Variants in ATRNL1 observed in about 807,000 individuals in gnomAD.
The protein encoded by ATRNL1 is attractin-like protein 1.
Under a neutral mutation model 182.7 loss-of-function variants are expected in ATRNL1, and 95 were observed. The observed-to-expected ratio is 0.52, with a 90% confidence interval of 0.44 to 0.62. The LOEUF (loss-of-function observed/expected upper bound fraction) is 0.62, where lower values mean the gene tolerates loss of function less well. ATRNL1 is among the 20% of genes least tolerant of loss of function. The pLI, the probability that ATRNL1 is intolerant of heterozygous loss-of-function variation, is 0.00. For missense variants in ATRNL1, 1,471 were observed against 1,679.5 expected (o/e 0.88, Z 2.17); for synonymous variants, 576 against 568.3 (o/e 1.01, Z -0.19).
At chr10:115,791,255 AC>A (rs1388118491) in intron 27 of ATRNL1, among the ~76,000 whole-genome samples, 1 of 152,172 alleles carries the variant, frequency 6.6e-6, no homozygotes, top group Non-Finnish European at 1.5e-5. Context: ...CATACTTCTA[AC>A]CACCAACATT....
At chr10:115,686,065 T>G (rs1023375456) in intron 26 of ATRNL1, among the ~76,000 whole-genome samples, 12 of 151,356 alleles carry the variant, frequency 7.9e-5, no homozygotes, top group Admixed American at 7.9e-4. Flanking sequence ...AGAACAATGT[T>G]TATAATTTAT....
chr10:115,535,260 G>A (rs868962326), intron 25 of ATRNL1, among the ~76,000 whole-genome samples: 1 of 151,514 alleles, frequency 6.6e-6, no homozygotes, highest in Non-Finnish European at 1.5e-5. Context: ...AGACGTAGAT[G>A]TGGTCTTTTC....
intron 27 of ATRNL1, among the ~76,000 whole-genome samples, chr10:115,800,737 G>T (rs1811106511): frequency 6.6e-6 from 1 of 152,208 alleles, no homozygotes; most frequent in Admixed American, 6.5e-5. Flanking sequence ...GGTCATGAGG[G>T]TGAGTTTTCT....
chr10:115,651,923 T>C (rs947558695), intron 26 of ATRNL1, among the ~76,000 whole-genome samples: 60 of 152,236 alleles, frequency 3.9e-4, no homozygotes, highest in African/African-American at 1.4e-3. Flanking sequence ...GTAGAAAATA[T>C]ATGTTAGAAT....
chr10:115,892,682 C>A (rs1334322711), intron 28 of ATRNL1, among the ~76,000 whole-genome samples: 2 of 152,094 alleles, frequency 1.3e-5, no homozygotes, highest in Non-Finnish European at 2.9e-5. Flanking sequence ...GCACTGCATA[C>A]TACATAATGG....
At chr10:115,341,380 T>G (rs535413220) in intron 19 of ATRNL1, among the ~76,000 whole-genome samples, 14 of 152,298 alleles carry the variant, frequency 9.2e-5, no homozygotes, top group Admixed American at 9.2e-4. Flanking sequence ...ATGCTTTATA[T>G]TATTTCAGTT....
At chr10:115,511,781 G>A (rs1399741542) in intron 24 of ATRNL1, among the ~76,000 whole-genome samples, 2 of 151,618 alleles carry the variant, frequency 1.3e-5, no homozygotes, top group Non-Finnish European at 3.0e-5. Context: ...TTAGATTTTG[G>A]ACATGTTTTC....
At chr10:115,156,403 T>C (rs1554882089) in intron 5 of ATRNL1, among the ~76,000 whole-genome samples, 1 of 152,136 alleles carries the variant, frequency 6.6e-6, no homozygotes, top group Non-Finnish European at 1.5e-5. Flanking sequence ...GTTTTAGTTT[T>C]ATACATGTGA....
At chr10:115,616,717 T>G (rs914312256) in intron 26 of ATRNL1, among the ~76,000 whole-genome samples, 1 of 152,204 alleles carries the variant, frequency 6.6e-6, no homozygotes, top group African/African-American at 2.4e-5. Flanking sequence ...CTCAGGCCAC[T>G]GCTACAGAGG....
chr10:115,636,599 A>G (rs77920793), intron 26 of ATRNL1, among the ~76,000 whole-genome samples: 8,167 of 152,290 alleles, frequency 0.054, 702 homozygotes, highest in African/African-American at 0.18. Context: ...GTTTCCTCAA[A>G]AATTGCTTGT....
At chr10:115,249,766 T>A (rs1850797055) in intron 10 of ATRNL1, among the ~76,000 whole-genome samples, 1 of 152,184 alleles carries the variant, frequency 6.6e-6, no homozygotes. Flanking sequence ...TTTCTGTAAT[T>A]TTCATGATGT....
chr10:115,367,646 G>T (rs570756032), intron 19 of ATRNL1, among the ~76,000 whole-genome samples: 2 of 145,954 alleles, frequency 1.4e-5, no homozygotes, highest in South Asian at 2.2e-4. Flanking sequence ...CCATCTTTGT[G>T]GTTTTATCTA....
chr10:115,622,145 G>C (rs1316075930), intron 26 of ATRNL1, among the ~76,000 whole-genome samples: 1 of 152,186 alleles, frequency 6.6e-6, no homozygotes, highest in East Asian at 1.9e-4. Flanking sequence ...AGTCTCCGAA[G>C]ACACTGAGTT....
chr10:115,619,281 G>C (rs74161607), intron 26 of ATRNL1, among the ~76,000 whole-genome samples: 1,667 of 152,244 alleles, frequency 0.011, 30 homozygotes, highest in African/African-American at 0.038. Flanking sequence ...CCCATGTGTG[G>C]TGAGCCATTC....
intron 26 of ATRNL1, among the ~76,000 whole-genome samples, chr10:115,693,629 A>T (rs1946462175): frequency 6.6e-6 from 1 of 152,118 alleles, no homozygotes; most frequent in Non-Finnish European, 1.5e-5. Flanking sequence ...CCCAGATAGG[A>T]TAGCCTACTA....
chr10:115,617,783 G>T (rs556964067), intron 26 of ATRNL1, among the ~76,000 whole-genome samples: 1 of 152,330 alleles, frequency 6.6e-6, no homozygotes, highest in South Asian at 2.1e-4. Flanking sequence ...TGTTGGGAAG[G>T]CATGATTGTA....
intron 26 of ATRNL1, among the ~76,000 whole-genome samples, chr10:115,622,795 C>T (rs570160543): frequency 2.1e-4 from 32 of 152,024 alleles, no homozygotes; most frequent in Admixed American, 1.1e-3. Flanking sequence ...GGCAAGGTGG[C>T]GGGCGCCTGT....
chr10:115,139,033 G>A (rs1845644112), intron 5 of ATRNL1, among the ~76,000 whole-genome samples: 1 of 152,108 alleles, frequency 6.6e-6, no homozygotes, highest in Non-Finnish European at 1.5e-5. Context: ...CTAGGGCAGG[G>A]GCAAAATGCC....
chr10:115,409,113 G>A (rs1403818547), intron 20 of ATRNL1, among the ~76,000 whole-genome samples: 1 of 152,086 alleles, frequency 6.6e-6, no homozygotes, highest in Non-Finnish European at 1.5e-5. Context: ...TGTGAACAAT[G>A]TCATTGGTAG....
Sources: allele counts gnomAD v4.1 joint callset (sites outside exome capture counted in the v4.1 genomes callset), GRCh38; gene constraint gnomAD v4.1.1; transcripts MANE v1.5; gene names NCBI Gene and HGNC (gene_info 2026-07-23, HGNC 2026-07-21).